The following ESCO1 variants were observed in gnomAD, a reference collection of about 807,000 sequenced individuals.
The protein encoded by ESCO1 is N-acetyltransferase ESCO1.
ESCO1 carries 33 observed loss-of-function variants against 83.5 expected under a neutral mutation model. The observed-to-expected ratio is 0.40, with a 90% confidence interval of 0.30 to 0.53. The LOEUF (loss-of-function observed/expected upper bound fraction) is 0.53, where lower values mean the gene tolerates loss of function less well. Ranked by LOEUF, ESCO1 falls within the 20% of genes least tolerant of loss-of-function variation. The probability of loss-of-function intolerance (pLI) is 0.63; values close to 1 mark genes in which losing one functional copy is unlikely to be tolerated. For missense variants in ESCO1, 855 were observed against 968.0 expected (o/e 0.88, Z 1.55); for synonymous variants, 332 against 324.3 (o/e 1.02, Z -0.25).
At chr18:21,560,489 A>G (rs1031702910) in intron 8 of ESCO1, among the ~76,000 whole-genome samples, 4 of 152,040 alleles carry the variant, frequency 2.6e-5, no homozygotes, top group African/African-American at 9.6e-5. Flanking sequence ...AATCTCCAAT[A>G]TAAAACTGTG....
chr18:21,534,216 T>C lies in ESCO1; in HGVS notation c.2188-1556A>G, dbSNP rs183011970. 3.7e-4 allele frequency among the ~76,000 whole-genome samples: 56 copies of C among 152,362 alleles called. No homozygotes were observed. The East Asian group carries it at 0.01, about 28-fold the overall frequency. On this transcript the variant is annotated intron_variant, in intron 10 of 11. Transcript: ENST00000269214. ...TAACCCACTTATGCCTAGTGTTCCA[T>C]TACTGGAACACTAAGCATGTGGGAG...
chr18:21,553,817 G>A (rs1175169155), intron 8 of ESCO1, among the ~76,000 whole-genome samples: 5 of 145,690 alleles, frequency 3.4e-5, no homozygotes, highest in Non-Finnish European at 6.0e-5. Context: ...AGATTGTTGC[G>A]CCACTCACTG....
At chr18:21,569,738 TACTC>T (rs2038314604) in intron 4 of ESCO1, among the ~76,000 whole-genome samples, 2 of 152,218 alleles carry the variant, frequency 1.3e-5, no homozygotes, top group South Asian at 2.1e-4. Flanking sequence ...CGGTCCCAGT[TACTC>T]ACGAGGCTAA....
intron 2 of ESCO1, among the ~76,000 whole-genome samples, 181 bp from the exon 3 acceptor site, chr18:21,575,958 A>G (rs1488559562): frequency 6.6e-6 from 1 of 152,236 alleles, no homozygotes; most frequent in Non-Finnish European, 1.5e-5. Context: ...ACTCAACTAT[A>G]TGCAGCCAAT....
chr18:21,576,334 GTC>G (rs1201709922), intron 2 of ESCO1, among the ~76,000 whole-genome samples: 1 of 152,160 alleles, frequency 6.6e-6, no homozygotes, highest in East Asian at 1.9e-4. Context: ...GCAAGATTCT[GTC>G]TCTACAAAAA....
intron 8 of ESCO1, among the ~76,000 whole-genome samples, chr18:21,560,272 T>G (rs1280242814): frequency 6.6e-6 from 1 of 151,732 alleles, no homozygotes; most frequent in Non-Finnish European, 1.5e-5. Context: ...ATGCCTAAAA[T>G]GCACTTCCAT....
At chr18:21,570,843 G>A (rs2038330393) in intron 4 of ESCO1, among the ~76,000 whole-genome samples, 1 of 152,088 alleles carries the variant, frequency 6.6e-6, no homozygotes, top group African/African-American at 2.4e-5. Flanking sequence ...CGGGCGTGGT[G>A]GCAGGCGCCT....
At chr18:21,553,371 C>T (rs1480516162) in intron 8 of ESCO1, among the ~76,000 whole-genome samples, 1 of 148,032 alleles carries the variant, frequency 6.8e-6, no homozygotes, top group African/African-American at 2.5e-5. Flanking sequence ...CTTTGGGATG[C>T]CAAGGCAGGT....
chr18:21,596,714 A>G (rs2038772871), intron 1 of ESCO1, among the ~76,000 whole-genome samples: 1 of 152,180 alleles, frequency 6.6e-6, no homozygotes, highest in Non-Finnish European at 1.5e-5. Flanking sequence ...AGGTGCCTGT[A>G]ATCCCAGCTA....
Position 21,531,803 on chromosome 18 carries a change from G to A in ESCO1, c.2375+670C>T, listed in dbSNP as rs186160094. Among the ~76,000 whole-genome samples the A allele has an allele frequency of 5.6e-4, 78 of 140,300 alleles. 2 individuals carry two copies. The East Asian group carries it at 0.017, about 30-fold the overall frequency. 92.0% of individuals were successfully genotyped at this position (140,300 alleles called of 152,430 possible). On this transcript the variant is annotated intron_variant, in intron 11 of 11. Coordinates refer to ENST00000269214, the MANE Select transcript of ESCO1 (RefSeq NM_052911.3). ...AACTACTTGGGAGGCTGAGGTGGGA[G>A]AATCGTTTGAACCTGGGAGGCAGAG...
At chr18:21,533,326 T>G (rs772256934) in intron 10 of ESCO1, among the ~76,000 whole-genome samples, 13 of 152,168 alleles carry the variant, frequency 8.5e-5, no homozygotes, top group South Asian at 2.1e-4. Flanking sequence ...AGACAGAGCT[T>G]CTTCTGTCGC....
At chr18:21,588,610 A>G (rs1053926056) in intron 1 of ESCO1, among the ~76,000 whole-genome samples, 3 of 152,122 alleles carry the variant, frequency 2.0e-5, no homozygotes, top group African/African-American at 7.2e-5. Context: ...CAAATTAATA[A>G]AACAGCCAAC....
chr18:21,546,373 G>A (rs1310845086), intron 8 of ESCO1, among the ~76,000 whole-genome samples: 1 of 149,622 alleles, frequency 6.7e-6, no homozygotes, highest in Non-Finnish European at 1.5e-5. Flanking sequence ...GCAGCATGGT[G>A]AAACCCTGCC....
At chr18:21,592,666 C>G (rs934008102) in intron 1 of ESCO1, among the ~76,000 whole-genome samples, 45 of 151,368 alleles carry the variant, frequency 3.0e-4, no homozygotes, top group Non-Finnish European at 1.6e-4. Flanking sequence ...CCCCACCTCC[C>G]TCCCGGACGG....
At chr18:21,571,035 T>A (rs959900757) in intron 4 of ESCO1, among the ~76,000 whole-genome samples, 1 of 152,162 alleles carries the variant, frequency 6.6e-6, no homozygotes, top group Non-Finnish European at 1.5e-5. Flanking sequence ...TTTGTAACTT[T>A]AAAGGATTTT....
chr18:21,579,788 GCGCGCGCA>G (rs1159221998), intron 2 of ESCO1, among the ~76,000 whole-genome samples: 4 of 39,822 alleles, frequency 1.0e-4, no homozygotes, highest in South Asian at 7.8e-4. Flanking sequence ...ACACACACGC[GCGCGCGCA>G]CACACACACA....
At chr18:21,545,079 C>G (rs2037955584) in intron 8 of ESCO1, among the ~76,000 whole-genome samples, 4 of 152,116 alleles carry the variant, frequency 2.6e-5, no homozygotes, top group Admixed American at 6.5e-5. Flanking sequence ...CATTATTAAG[C>G]TGTGTACTCG....
intron 8 of ESCO1, among the ~76,000 whole-genome samples, chr18:21,548,631 C>CA (rs1488713674): frequency 6.6e-6 from 1 of 151,262 alleles, no homozygotes; most frequent in East Asian, 2.0e-4. Context: ...ATATCCATCT[C>CA]AAAAAAAATT....
In ESCO1 at chr18:21,537,194, G is replaced by C. The variant is rs1461092713; in HGVS notation, c.2044-1009C>G. The stretch of plus-strand genomic sequence containing the variant: ...CAAACATGGTAAGCTCAAACTGTTT[G>C]CAGGCAACCAAAATTAAGACCTCTG... On this transcript the variant is annotated intron_variant, in intron 9 of 11. Transcript: ENST00000269214. Among the ~76,000 whole-genome samples the C allele has an allele frequency of 1.1e-4, 16 of 152,294 alleles. No homozygotes were observed. In the East Asian group the frequency reaches 2.9e-3, roughly 28 times the overall value.
Sources: gnomAD v4.1 joint callset for allele counts (sites outside exome capture counted in the v4.1 genomes callset) on GRCh38, gnomAD v4.1.1 for gene constraint, MANE v1.5 for transcripts, NCBI Gene and HGNC (gene_info 2026-07-23, HGNC 2026-07-21) for gene names.